Variants in WWC1 observed in about 807,000 individuals in gnomAD.
The protein encoded by WWC1 is WW and C2 domain containing 1.
A neutral mutation model predicts 138.4 loss-of-function variants in WWC1; 55 were observed. That is an observed-to-expected ratio of 0.40 (90% confidence interval 0.32 to 0.50). The LOEUF is 0.50. Ranked by LOEUF, WWC1 falls within the 20% of genes least tolerant of loss-of-function variation. The probability of loss-of-function intolerance (pLI) is 0.72; values close to 1 mark genes in which losing one functional copy is unlikely to be tolerated. For synonymous variants in WWC1, 524 were observed against 564.9 expected, an observed-to-expected ratio of 0.93 and a Z score of 1.03; for missense variants, 1,226 against 1,420.4, an observed-to-expected ratio of 0.86 and a Z score of 2.20.
chr5:168,470,076 C>T lies in WWC1; in HGVS notation c.*1059C>T, dbSNP rs1403026976. ...TCCCATGTCGTCCCCAACCCAGGGG[C>T]TGGTAGGTGCTACAGCTTGTGCTTC... On this transcript the variant is annotated 3_prime_UTR_variant, in exon 23 of 23. Coordinates refer to ENST00000265293, the MANE Select transcript of WWC1 (RefSeq NM_015238.3). The T allele has an allele frequency of 1.3e-5, 2 of 149,178 alleles. No individual in the cohort carries two copies. Among genetic ancestry groups the T allele is most frequent in the African/African-American group, 5.0e-5 (2 of 40,318 alleles). The allele number at this position is 149,178 out of a possible 1,614,324, so 9.2% of individuals were successfully genotyped here.
chr5:168,338,301 A>G (rs939557136), intron 1 of WWC1, among the ~76,000 whole-genome samples: 1 of 146,946 alleles, frequency 6.8e-6, no homozygotes, highest in Non-Finnish European at 1.5e-5. Flanking sequence ...ACAGAGTGAG[A>G]CTTTGCCTCA....
intron 8 of WWC1, among the ~76,000 whole-genome samples, chr5:168,413,702 T>C (rs1208286129): frequency 1.3e-5 from 2 of 152,212 alleles, no homozygotes; most frequent in African/African-American, 4.8e-5. Flanking sequence ...GTTCACACAG[T>C]GCCACTACCT....
chr5:168,302,469 T>C (rs1282014588), intron 1 of WWC1, among the ~76,000 whole-genome samples: 1 of 152,108 alleles, frequency 6.6e-6, no homozygotes, highest in Non-Finnish European at 1.5e-5. Flanking sequence ...AGAGCTCTTT[T>C]AGGAAGGTGG....
chr5:168,306,903 A>T (rs1770611121), intron 1 of WWC1, among the ~76,000 whole-genome samples: 1 of 152,178 alleles, frequency 6.6e-6, no homozygotes, highest in Non-Finnish European at 1.5e-5. Context: ...AGCCAGTCTA[A>T]GCTACTTTAG....
In WWC1 at chr5:168,292,005, G is replaced by C; in HGVS notation, c.-148G>C. ...ATGGACAGCGGCGCCACCCCGGCCGGCCCCTACTAGGGCCCCCCATCTGCG... is the reference window on the plus strand; with the variant it reads ...ATGGACAGCGGCGCCACCCCGGCCGCCCCCTACTAGGGCCCCCCATCTGCG... On this transcript the variant is annotated 5_prime_UTR_variant, in exon 1 of 23. Transcript: ENST00000265293. The surrounding 1 kb of genome is among the most constrained non-coding windows in gnomAD (Gnocchi z 4.4). The C allele has an allele frequency of 1.1e-6, 1 of 907,648 alleles. No homozygotes were observed. The highest frequency in any genetic ancestry group is 3.5e-5 in the East Asian group (1 of 28,466). The allele number at this position is 907,648 out of a possible 1,614,324, so 56.2% of individuals were successfully genotyped here.
At chr5:168,379,019 T>G (rs1777428906) in intron 2 of WWC1, among the ~76,000 whole-genome samples, 1 of 151,968 alleles carries the variant, frequency 6.6e-6, no homozygotes, top group South Asian at 2.1e-4. Flanking sequence ...GTGTGGAGAA[T>G]GTGTATGGCG....
intron 1 of WWC1, among the ~76,000 whole-genome samples, chr5:168,318,740 A>G (rs1205549727): frequency 6.6e-6 from 1 of 151,906 alleles, no homozygotes; most frequent in Non-Finnish European, 1.5e-5. Context: ...TTGTATCTTT[A>G]GTAGAGATAG....
chr5:168,425,019 A>G (rs1300134624), intron 11 of WWC1, among the ~76,000 whole-genome samples: 1 of 152,232 alleles, frequency 6.6e-6, no homozygotes, highest in Non-Finnish European at 1.5e-5. Flanking sequence ...TATTGGGGAT[A>G]TATTATGAGT....
chr5:168,390,793 C>T (rs920716703), intron 3 of WWC1, among the ~76,000 whole-genome samples: 7 of 152,230 alleles, frequency 4.6e-5, no homozygotes, highest in African/African-American at 1.7e-4. Flanking sequence ...GCTGTCGACT[C>T]GCTGGTGTAA....
In WWC1 at chr5:168,406,126, G is replaced by C; in HGVS notation, c.591-72G>C. On this transcript the variant is annotated intron_variant, in intron 5 of 22. Transcript: ENST00000265293. ...TTAAGGGACTGAAGTCCTGTGGTCT[G>C]TGCTTTTCCCCTGGGGAGACCCTGT... 3.8e-6 allele frequency: 6 copies of C among 1,572,668 alleles called. No individual in the cohort carries two copies. The South Asian group carries it at 7.0e-5, about 18-fold the overall frequency.
At chr5:168,406,601 A>T (rs187568926) in intron 6 of WWC1, among the ~76,000 whole-genome samples, 4 of 152,326 alleles carry the variant, frequency 2.6e-5, no homozygotes, top group Admixed American at 2.6e-4. Flanking sequence ...CACTAGCTCT[A>T]ACTACCTGAC....
intron 20 of WWC1, among the ~76,000 whole-genome samples, chr5:168,462,588 T>G (rs2152893300): frequency 6.6e-6 from 1 of 152,258 alleles, no homozygotes; most frequent in Non-Finnish European, 1.5e-5. Context: ...TCCTACTTGC[T>G]CCCCCTGCGT....
At chr5:168,323,823 A>C (rs538564562) in intron 1 of WWC1, among the ~76,000 whole-genome samples, 3 of 152,354 alleles carry the variant, frequency 2.0e-5, no homozygotes, top group Admixed American at 1.3e-4. Flanking sequence ...ACACCTAGAC[A>C]CATCATAGTC....
chr5:168,318,437 C>A (rs1054451430), intron 1 of WWC1, among the ~76,000 whole-genome samples: 1 of 152,090 alleles, frequency 6.6e-6, no homozygotes, highest in Non-Finnish European at 1.5e-5. Flanking sequence ...ATCTTTAGAA[C>A]GCTCTTCATC....
intron 2 of WWC1, among the ~76,000 whole-genome samples, chr5:168,384,159 G>A (rs1777858203): frequency 1.0e-5 from 1 of 96,402 alleles, no homozygotes; most frequent in African/African-American, 4.9e-5. Context: ...ATACATATTT[G>A]AACACTTATT....
chr5:168,370,510 T>C (rs1045604022), intron 1 of WWC1, among the ~76,000 whole-genome samples: 1 of 152,086 alleles, frequency 6.6e-6, no homozygotes, highest in Non-Finnish European at 1.5e-5. Flanking sequence ...TGGGATTGGG[T>C]AGGAAGCAGA....
At chr5:168,304,513 G>A (rs896754180) in intron 1 of WWC1, among the ~76,000 whole-genome samples, 8 of 152,114 alleles carry the variant, frequency 5.3e-5, no homozygotes, top group Non-Finnish European at 1.0e-4. Context: ...TTTTGCCCTC[G>A]TACAATGGTT....
At chr5:168,378,966 G>T (rs559007840) in intron 2 of WWC1, among the ~76,000 whole-genome samples, 1 of 152,112 alleles carries the variant, frequency 6.6e-6, no homozygotes, top group Non-Finnish European at 1.5e-5. Context: ...TGTAGGAAGG[G>T]ATGGGTGTAT....
chr5:168,431,454 GTGTCTGGC>G lies in WWC1; in HGVS notation c.2280+13_2280+20del, dbSNP rs755378949. ...TCTGGAAGAGTGCCTGGTAAGGGCCGTGTCTGGCTGGCTGGCTGGCTGGCTGGCTGGCT... is the reference window on the plus strand; with the variant it reads ...TCTGGAAGAGTGCCTGGTAAGGGCCGTGGCTGGCTGGCTGGCTGGCTGGCT... On this transcript the variant is annotated intron_variant, in intron 15 of 22. Coordinates refer to ENST00000265293, the MANE Select transcript of WWC1 (RefSeq NM_015238.3). 52 of 1,549,046 alleles carry G rather than the reference GTGTCTGGC, an allele frequency of 3.4e-5. 1 individual carries two copies. Among genetic ancestry groups the G allele is most frequent in the South Asian group, 8.2e-5 (7 of 85,876 alleles).
Sources: allele counts gnomAD v4.1 joint callset (sites outside exome capture counted in the v4.1 genomes callset), GRCh38; gene constraint gnomAD v4.1.1; non-coding constraint Gnocchi (gnomAD v3.1); transcripts MANE v1.5; gene names NCBI Gene and HGNC (gene_info 2026-07-23, HGNC 2026-07-21).